The following PRKCH variants were observed in gnomAD, a reference collection of about 807,000 sequenced individuals.
PRKCH encodes protein kinase C eta type.
PRKCH carries 28 observed loss-of-function variants against 82.5 expected under a neutral mutation model. The ratio of observed to expected loss-of-function variants is 0.34; its 90% CI spans 0.25 to 0.47. The LOEUF (loss-of-function observed/expected upper bound fraction) is 0.47, where lower values mean the gene tolerates loss of function less well. PRKCH is among the 20% of genes least tolerant of loss of function. The pLI is 1.00. For synonymous variants in PRKCH, 322 were observed against 327.4 expected (o/e 0.98, Z 0.18); for missense variants, 705 against 881.8 (o/e 0.80, Z 2.54).
chr14:61,392,712 G>A (rs776303266), intron 2 of PRKCH, among the ~76,000 whole-genome samples: 10 of 151,958 alleles, frequency 6.6e-5, no homozygotes, highest in African/African-American at 9.7e-5. Flanking sequence ...TCTTAATGGT[G>A]TCTTTGAGCA....
chr14:61,272,874 G>T (rs955886611), intron 1 of PRKCH, among the ~76,000 whole-genome samples: 4 of 152,112 alleles, frequency 2.6e-5, no homozygotes, highest in African/African-American at 9.7e-5. Flanking sequence ...CTCAGGGCGG[G>T]ACTCTCTTTC....
intron 1 of PRKCH, chr14:61,281,643 C>T (rs1310621698): frequency 6.0e-6 from 1 of 167,296 alleles, no homozygotes; most frequent in African/African-American, 2.4e-5. Flanking sequence ...CTCCGGCCTC[C>T]AGCAGAAATT....
At chr14:61,525,074 G>T (rs1029418288) in intron 10 of PRKCH, 12 of 152,396 alleles carry the variant, frequency 7.9e-5, no homozygotes, top group African/African-American at 2.9e-4. Context: ...GGACCATGCT[G>T]GAGCTGCTAA....
At chr14:61,335,400 A>G (rs1449393957) in intron 1 of PRKCH, among the ~76,000 whole-genome samples, 1 of 152,180 alleles carries the variant, frequency 6.6e-6, no homozygotes, top group East Asian at 1.9e-4. Context: ...ATATTAATGG[A>G]AAGTTTCAAT....
At chr14:61,396,952 C>T (rs944361377) in intron 2 of PRKCH, among the ~76,000 whole-genome samples, 1 of 152,110 alleles carries the variant, frequency 6.6e-6, no homozygotes, top group Admixed American at 6.5e-5. Flanking sequence ...GTTCACACCA[C>T]TTGTAGGCTA....
At chr14:61,453,147 G>T in intron 6 of PRKCH, 79 bp from the exon 7 acceptor site, 1 of 1,539,810 alleles carries the variant, frequency 6.5e-7, no homozygotes, top group Non-Finnish European at 9.0e-7. Flanking sequence ...AATCTTTTAG[G>T]CTATTAAAGT....
chr14:61,253,097 T>G (rs2044961119), intron 1 of PRKCH, among the ~76,000 whole-genome samples: 1 of 152,368 alleles, frequency 6.6e-6, no homozygotes, highest in Admixed American at 6.5e-5. Context: ...TTAAACTCTA[T>G]GAGATTAAAA....
intron 1 of PRKCH, among the ~76,000 whole-genome samples, chr14:61,218,198 A>T (rs1366174882): frequency 6.6e-6 from 1 of 152,182 alleles, no homozygotes; most frequent in Non-Finnish European, 1.5e-5. Context: ...ATATTTCTTA[A>T]AGGGAGGGAA....
intron 1 of PRKCH, among the ~76,000 whole-genome samples, chr14:61,234,678 A>G (rs1454561797): frequency 6.6e-6 from 1 of 152,236 alleles, no homozygotes; most frequent in African/African-American, 2.4e-5. Flanking sequence ...TAAAGAAATG[A>G]AGGTCAGCTG....
At chr14:61,200,345 G>A (rs1392082888) in intron 1 of PRKCH, among the ~76,000 whole-genome samples, 1 of 152,036 alleles carries the variant, frequency 6.6e-6, no homozygotes, top group East Asian at 1.9e-4. Context: ...TGGGTTTCAG[G>A]AAAACAGGAA....
intron 1 of PRKCH, among the ~76,000 whole-genome samples, chr14:61,315,170 T>A (rs1318453067): frequency 1.3e-5 from 2 of 152,162 alleles, no homozygotes; most frequent in East Asian, 3.8e-4. Context: ...GAAATGGATA[T>A]AGACAGGCAC....
At chr14:61,548,581 C>G (rs1288257718) in intron 13 of PRKCH, among the ~76,000 whole-genome samples, 6 of 152,152 alleles carry the variant, frequency 3.9e-5, no homozygotes, top group African/African-American at 1.4e-4. Context: ...ATGGGGAGAC[C>G]TGGCGTGGTG....
intron 1 of PRKCH, among the ~76,000 whole-genome samples, chr14:61,203,210 G>C (rs923290040): frequency 1.3e-5 from 2 of 151,990 alleles, no homozygotes; most frequent in African/African-American, 4.8e-5. Flanking sequence ...ACCGCCACTT[G>C]TCAGGGGAAA....
chr14:61,413,414 G>GC (rs1175428942), intron 2 of PRKCH, among the ~76,000 whole-genome samples: 148 of 57,326 alleles, frequency 2.6e-3, no homozygotes, highest in African/African-American at 7.9e-3. Context: ...CCCCCCCCCC[G>GC]CCCCGCCCAT....
chr14:61,352,689 G>GGAAAGAAAGAAAGAAAGAAA lies in PRKCH; in HGVS notation c.363+30260_363+30279dup, dbSNP rs56406998. Among the ~76,000 whole-genome samples, 495 of 126,526 alleles carry GGAAAGAAAGAAAGAAAGAAA rather than the reference G, an allele frequency of 3.9e-3. 3 individuals carry two copies. The highest frequency in any genetic ancestry group is 7.4e-3 in the Middle Eastern group (2 of 270). 83.0% of individuals were successfully genotyped at this position (126,526 alleles called of 152,430 possible). On this transcript the variant is annotated intron_variant, in intron 1 of 13. Coordinates refer to ENST00000332981, the MANE Select transcript of PRKCH (RefSeq NM_006255.5). ...GAGAGAGAGAGAGAGAGAAAGGAAA[G>GGAAAGAAAGAAAGAAAGAAA]GAAAGAAAGAAAGAAAGAAAGAAAG...
intron 1 of PRKCH, among the ~76,000 whole-genome samples, chr14:61,313,785 T>C (rs1357319867): frequency 2.0e-5 from 3 of 151,692 alleles, no homozygotes; most frequent in African/African-American, 7.3e-5. Flanking sequence ...TCAGATCCCA[T>C]GAGACCCACT....
At chr14:61,477,904 T>C (rs1211495351) in intron 9 of PRKCH, among the ~76,000 whole-genome samples, 1 of 152,152 alleles carries the variant, frequency 6.6e-6, no homozygotes, top group Non-Finnish European at 1.5e-5. Flanking sequence ...CTGTTTCGGC[T>C]GCTGTTTCAT....
At chr14:61,368,071 A>G (rs952686056) in intron 1 of PRKCH, among the ~76,000 whole-genome samples, 1 of 151,928 alleles carries the variant, frequency 6.6e-6, no homozygotes, top group Non-Finnish European at 1.5e-5. Flanking sequence ...GGAGCTTCCA[A>G]GTGTCTGAGA....
rs999982274 is a variant in PRKCH, at chr14:61,250,279, A to C, written c.-19+62611A>C. Among the ~76,000 whole-genome samples the C allele has an allele frequency of 8.7e-5, 13 of 149,062 alleles. 1 individual carries two copies. The highest frequency in any genetic ancestry group is 8.5e-4 in the South Asian group (4 of 4,688). On this transcript the variant is annotated intron_variant, in intron 1 of 3. Coordinates refer to the PRKCH transcript ENST00000555185. ...TAAATAAATAAATAAATAAATAAAT[A>C]AATCTGGACACGGATGTTGATAGCA... is the stretch of plus-strand genomic sequence containing the variant.
Sources: allele counts gnomAD v4.1 joint callset (sites outside exome capture counted in the v4.1 genomes callset), GRCh38; gene constraint gnomAD v4.1.1; transcripts MANE v1.5; gene names NCBI Gene and HGNC (gene_info 2026-07-23, HGNC 2026-07-21).